ATP8A2: variants seen among roughly 807,000 people sequenced by gnomAD.
ATP8A2 encodes phospholipid-transporting ATPase IB.
ATP8A2 carries 100 observed loss-of-function variants against 165.6 expected under a neutral mutation model. That is an observed-to-expected ratio of 0.60 (90% CI 0.51 to 0.71). ATP8A2 has a LOEUF of 0.71. Ranked by LOEUF, ATP8A2 falls within the 30% of genes least tolerant of loss-of-function variation. The pLI, the probability that ATP8A2 is intolerant of heterozygous loss-of-function variation, is 0.00. For missense variants in ATP8A2, 1,227 were observed against 1,479.5 expected (o/e 0.83, Z 2.80); for synonymous variants, 543 against 548.8 (o/e 0.99, Z 0.15).
intron 24 of ATP8A2, among the ~76,000 whole-genome samples, chr13:25,683,581 A>C (rs1278626999): frequency 6.6e-6 from 1 of 152,078 alleles, no homozygotes; most frequent in African/African-American, 2.4e-5. Flanking sequence ...ACCAGTAGGG[A>C]GAGGTAGGAG....
chr13:25,815,815 A>C (rs941790428), intron 27 of ATP8A2, among the ~76,000 whole-genome samples: 3 of 152,256 alleles, frequency 2.0e-5, no homozygotes, highest in African/African-American at 7.2e-5. Flanking sequence ...ATGAATAAAC[A>C]AAGTATGCTA....
At chr13:25,918,369 C>T (rs1049737390) in intron 33 of ATP8A2, among the ~76,000 whole-genome samples, 1 of 152,172 alleles carries the variant, frequency 6.6e-6, no homozygotes, top group African/African-American at 2.4e-5. Flanking sequence ...GCTGCATATG[C>T]TTTCAACTAT....
At chr13:25,908,453 A>T (rs1298650532) in intron 33 of ATP8A2, among the ~76,000 whole-genome samples, 3 of 152,240 alleles carry the variant, frequency 2.0e-5, no homozygotes, top group Admixed American at 2.0e-4. Context: ...CAAGAAAGTA[A>T]TGAAGCCGAG....
intron 33 of ATP8A2, among the ~76,000 whole-genome samples, chr13:25,894,511 AAT>A (rs1953474136): frequency 6.6e-6 from 1 of 151,876 alleles, no homozygotes; most frequent in Non-Finnish European, 1.5e-5. Context: ...TTGACTTGGC[AAT>A]ATGGGCTCTT....
rs116017061 is a variant in ATP8A2 at position 25,696,247 on chromosome 13, G to T, written c.2212-2926G>T. 4.2e-3 allele frequency among the ~76,000 whole-genome samples: 638 copies of T among 151,858 alleles called. 3 individuals are homozygous for T. Among genetic ancestry groups the T allele is most frequent in the African/African-American group, 0.014 (583 of 41,500 alleles). The stretch of plus-strand genomic sequence containing the variant: ...TATAAACAGATGTGGTGTTAGCCAG[G>T]CTTTGTTTTTCCATTTCTAAGAATT... On this transcript the variant is annotated intron_variant, in intron 24 of 36. Transcript: ENST00000381655.
At chr13:25,624,096 C>T (rs563515533) in intron 24 of ATP8A2, among the ~76,000 whole-genome samples, 41 of 152,180 alleles carry the variant, frequency 2.7e-4, no homozygotes, top group South Asian at 2.1e-4. Context: ...GGTGCTTAAA[C>T]GGCTTACTGA....
At chr13:25,531,137 G>GTATATATATGTTATATATATGT (rs71077479) in intron 4 of ATP8A2, among the ~76,000 whole-genome samples, 3 of 135,520 alleles carry the variant, frequency 2.2e-5, no homozygotes, top group Non-Finnish European at 4.6e-5. Flanking sequence ...GTGTGTGTGT[G>GTATATATATGTTATATATATGT]TATATATATG....
chr13:25,785,334 A>G (rs549930267), intron 27 of ATP8A2, among the ~76,000 whole-genome samples: 1 of 152,142 alleles, frequency 6.6e-6, no homozygotes, highest in South Asian at 2.1e-4. Context: ...CATGAGGCAG[A>G]GGCTGCAATA....
At chr13:25,632,710 G>A (rs548112158) in intron 24 of ATP8A2, among the ~76,000 whole-genome samples, 1 of 152,282 alleles carries the variant, frequency 6.6e-6, no homozygotes, top group Non-Finnish European at 1.5e-5. Flanking sequence ...ACAGAATCCT[G>A]AGCTGCTCTG....
intron 22 of ATP8A2, among the ~76,000 whole-genome samples, chr13:25,580,972 C>T (rs2039760212): frequency 6.6e-6 from 1 of 152,054 alleles, no homozygotes; most frequent in Non-Finnish European, 1.5e-5. Flanking sequence ...TATATTCAGT[C>T]ATTTTAATGT....
At chr13:25,799,093 T>TAA (rs35261746) in intron 27 of ATP8A2, among the ~76,000 whole-genome samples, 1 of 149,284 alleles carries the variant, frequency 6.7e-6, no homozygotes, top group East Asian at 2.0e-4. Context: ...AAATAAAGAT[T>TAA]AAAAAAAAAA....
rs1416403948 is a variant in ATP8A2 at position 25,581,849 on chromosome 13, G to C, written c.2038G>C (p.Glu680Gln). The stretch of plus-strand genomic sequence containing the variant: ...GCTGCTACTTGGAGCCACAGCCATA[G>C]AAGATCGCCTTCAAGCAGGAGTTCC... ...NLLLLGATAI[E>Q]DRLQAGVPET... The change falls in exon 23 of 37, where the codon GAA becomes CAA. Residue 680 changes from glutamate to glutamine, a missense_variant. Physicochemically the swap from Glu to Gln is conservative, Grantham distance 29 (BLOSUM62 2). Around this residue, in one of 5 missense-constraint regions of ATP8A2, gnomAD observed 592 missense variants for 785.6 expected, o/e 0.75. Coordinates refer to ENST00000381655, the MANE Select transcript of ATP8A2 (RefSeq NM_016529.6). 6.2e-7 allele frequency: 1 copy of C among 1,614,052 alleles called. No homozygotes were observed. The highest frequency in any genetic ancestry group is 1.7e-5 in the Admixed American group (1 of 60,016).
At chr13:25,496,697 T>C (rs573915762) in intron 2 of ATP8A2, among the ~76,000 whole-genome samples, 1 of 152,206 alleles carries the variant, frequency 6.6e-6, no homozygotes, top group Non-Finnish European at 1.5e-5. Context: ...GGTGCTCTGA[T>C]CTCTAATAGC....
At chr13:25,376,688 T>C (rs1043776626) in intron 1 of ATP8A2, among the ~76,000 whole-genome samples, 12 of 152,258 alleles carry the variant, frequency 7.9e-5, no homozygotes, top group African/African-American at 2.7e-4. Flanking sequence ...ATGCTGCCCA[T>C]CGTCATCTAA....
chr13:25,985,019 T>C (rs1452119218), intron 35 of ATP8A2, among the ~76,000 whole-genome samples: 1 of 152,340 alleles, frequency 6.6e-6, no homozygotes, highest in East Asian at 1.9e-4. Context: ...TGAAAAGCTG[T>C]AGTTTAACAA....
chr13:25,735,919 CGTCTA>C (rs1347497468), intron 25 of ATP8A2, among the ~76,000 whole-genome samples: 1 of 152,214 alleles, frequency 6.6e-6, no homozygotes, highest in Non-Finnish European at 1.5e-5. Flanking sequence ...CCCAGAGCAA[CGTCTA>C]GTCTTGCAAG....
At chr13:25,577,276 T>C (rs1004524764) in intron 20 of ATP8A2, 138 bp downstream of exon 20, 12 of 763,106 alleles carry the variant, frequency 1.6e-5, no homozygotes, top group Non-Finnish European at 2.7e-5. Context: ...GCTGTGAAGT[T>C]GACTTAGTAG....
intron 24 of ATP8A2, among the ~76,000 whole-genome samples, chr13:25,609,936 A>G (rs2138428417): frequency 6.6e-6 from 1 of 151,968 alleles, no homozygotes; most frequent in East Asian, 1.9e-4. Context: ...TTGTCTATCC[A>G]TGTCCTTAGC....
At chr13:25,807,460 T>A (rs1302726935) in intron 27 of ATP8A2, among the ~76,000 whole-genome samples, 9 of 152,220 alleles carry the variant, frequency 5.9e-5, no homozygotes, top group Non-Finnish European at 1.5e-5. Flanking sequence ...CCTATTGAAT[T>A]GTCTTGGTAA....
Sources: gnomAD v4.1 joint callset for allele counts (sites outside exome capture counted in the v4.1 genomes callset) on GRCh38, gnomAD v4.1.1 for gene constraint, gnomAD v4.1.1 regional missense constraint, MANE v1.5 for transcripts, NCBI Gene and HGNC (gene_info 2026-07-23, HGNC 2026-07-21) for gene names.